The following ADAMTS19 variants were observed in gnomAD, a reference collection of about 807,000 sequenced individuals.
The protein encoded by ADAMTS19 is A disintegrin and metalloproteinase with thrombospondin motifs 19.
A neutral mutation model predicts 153.3 loss-of-function variants in ADAMTS19; 93 were observed. The observed-to-expected ratio is 0.61, with a 90% CI of 0.51 to 0.72. The LOEUF (loss-of-function observed/expected upper bound fraction) is 0.72, where lower values mean the gene tolerates loss of function less well. ADAMTS19 is among the 30% of genes least tolerant of loss of function. The pLI is 0.00. For missense variants in ADAMTS19, 1,482 were observed against 1,552.1 expected (o/e 0.95, Z 0.76); for synonymous variants, 600 against 556.6 (o/e 1.08, Z -1.10).
intron 8 of ADAMTS19, among the ~76,000 whole-genome samples, chr5:129,602,818 T>C (rs1484142826): frequency 7.5e-6 from 1 of 134,168 alleles, no homozygotes; most frequent in Non-Finnish European, 1.5e-5. Context: ...ATTGTTGTCT[T>C]ATATTCTCTG....
intron 2 of ADAMTS19, among the ~76,000 whole-genome samples, chr5:129,487,602 T>A (rs975242913): frequency 3.3e-5 from 5 of 152,118 alleles, no homozygotes; most frequent in Non-Finnish European, 7.4e-5. Flanking sequence ...TACATATATA[T>A]GTGTGCTAAT....
intron 10 of ADAMTS19, among the ~76,000 whole-genome samples, chr5:129,623,752 T>C (rs545806601): frequency 6.9e-4 from 105 of 152,134 alleles, no homozygotes; most frequent in African/African-American, 2.4e-3. Flanking sequence ...GTAAGTGAAA[T>C]ATCCAGTGAA....
At chr5:129,684,328 G>A (rs1754968867) in intron 18 of ADAMTS19, 55 bp downstream of exon 18, 8 of 1,583,884 alleles carry the variant, frequency 5.1e-6, no homozygotes, top group Non-Finnish European at 6.0e-6. Flanking sequence ...TTCTGATTAA[G>A]CATTGATAAT....
chr5:129,497,044 A>G (rs1160117288), intron 2 of ADAMTS19, among the ~76,000 whole-genome samples: 4 of 152,236 alleles, frequency 2.6e-5, no homozygotes, highest in African/African-American at 9.6e-5. Flanking sequence ...ATTTAACAAC[A>G]GCATGAACAC....
chr5:129,513,722 G>C (rs544823168), intron 3 of ADAMTS19, among the ~76,000 whole-genome samples: 1 of 151,950 alleles, frequency 6.6e-6, no homozygotes, highest in African/African-American at 2.4e-5. Flanking sequence ...CATGCATTGT[G>C]AAACAAGCAC....
At chr5:129,563,473 A>G (rs946829155) in intron 7 of ADAMTS19, among the ~76,000 whole-genome samples, 2 of 152,114 alleles carry the variant, frequency 1.3e-5, no homozygotes, top group Admixed American at 6.5e-5. Flanking sequence ...GGGAGTTCCA[A>G]TGCATTCATT....
intron 8 of ADAMTS19, among the ~76,000 whole-genome samples, chr5:129,616,760 TCTTA>T: frequency 6.6e-6 from 1 of 152,212 alleles, no homozygotes. Flanking sequence ...GTTGCTGATG[TCTTA>T]CTTAGAGAAT....
intron 19 of ADAMTS19, among the ~76,000 whole-genome samples, chr5:129,699,803 C>A (rs1268999228): frequency 6.6e-6 from 1 of 152,040 alleles, no homozygotes; most frequent in African/African-American, 2.4e-5. Context: ...ATTTTCCGAA[C>A]AAGTGGGAGA....
At chr5:129,667,531 T>C (rs780698713) in intron 16 of ADAMTS19, among the ~76,000 whole-genome samples, 2 of 152,104 alleles carry the variant, frequency 1.3e-5, no homozygotes, top group Non-Finnish European at 2.9e-5. Flanking sequence ...ATCCTCTTGG[T>C]GCTGTCCTCA....
At chr5:129,568,663 A>G (rs1753797259) in intron 7 of ADAMTS19, among the ~76,000 whole-genome samples, 1 of 152,004 alleles carries the variant, frequency 6.6e-6, no homozygotes, top group South Asian at 2.1e-4. Context: ...CCACAAAAAA[A>G]GTTTAAAAAT....
intron 16 of ADAMTS19, 31 bp downstream of exon 16, chr5:129,665,610 C>T (rs371499367): frequency 4.5e-6 from 7 of 1,539,080 alleles, no homozygotes; most frequent in Non-Finnish European, 6.3e-6. Flanking sequence ...AGAGAAGATC[C>T]AAGTACGAGC....
At chr5:129,629,971 G>A (rs1350244174) in intron 10 of ADAMTS19, among the ~76,000 whole-genome samples, 2 of 152,080 alleles carry the variant, frequency 1.3e-5, no homozygotes, top group African/African-American at 4.8e-5. Flanking sequence ...AGACCTCCAG[G>A]AAACTTAAGA....
intron 10 of ADAMTS19, among the ~76,000 whole-genome samples, chr5:129,630,536 G>A (rs767007238): frequency 1.6e-4 from 25 of 151,974 alleles, no homozygotes; most frequent in Non-Finnish European, 3.5e-4. Flanking sequence ...AACAAATTGT[G>A]CTGGAACAAT....
At chr5:129,527,676 T>A in intron 4 of ADAMTS19, 72 bp from the exon 5 acceptor site, 1 of 641,166 alleles carries the variant, frequency 1.6e-6, no homozygotes. Flanking sequence ...GACATCTCCA[T>A]GTATGGGCCT....
At chr5:129,660,492 G>A (rs1293374148) in intron 15 of ADAMTS19, among the ~76,000 whole-genome samples, 2 of 151,816 alleles carry the variant, frequency 1.3e-5, no homozygotes, top group Non-Finnish European at 2.9e-5. Flanking sequence ...CCTGGAAACA[G>A]CTCACAGAAT....
intron 13 of ADAMTS19, among the ~76,000 whole-genome samples, chr5:129,649,757 G>C (rs1175852155): frequency 6.6e-6 from 1 of 152,148 alleles, no homozygotes; most frequent in East Asian, 1.9e-4. Flanking sequence ...AGTTGCTCAG[G>C]TATAACCATG....
intron 21 of ADAMTS19, among the ~76,000 whole-genome samples, chr5:129,731,234 A>G (rs1276207843): frequency 1.3e-5 from 2 of 152,136 alleles, no homozygotes; most frequent in East Asian, 1.9e-4. Flanking sequence ...CTGGAATTAC[A>G]GGTGTGAGCC....
chr5:129,558,728 C>T (rs542795630), intron 7 of ADAMTS19, among the ~76,000 whole-genome samples: 5 of 152,056 alleles, frequency 3.3e-5, no homozygotes, highest in South Asian at 2.1e-4. Flanking sequence ...AGGAAACCTG[C>T]GCTATCAGAT....
At chr5:129,702,941 A>ATATATATATATAT (rs1554108030) in intron 20 of ADAMTS19, among the ~76,000 whole-genome samples, 11 of 29,290 alleles carry the variant, frequency 3.8e-4, no homozygotes, top group South Asian at 1.1e-3. Flanking sequence ...AAAAAAAAAA[A>ATATATATATATAT]ATATATATAT....
Sources: gnomAD v4.1 joint callset for allele counts (sites outside exome capture counted in the v4.1 genomes callset) on GRCh38, gnomAD v4.1.1 for gene constraint, MANE v1.5 for transcripts, NCBI Gene and HGNC (gene_info 2026-07-23, HGNC 2026-07-21) for gene names.